Variants in GLB1L2 observed in about 807,000 individuals in gnomAD.
GLB1L2 encodes the protein galactosidase beta 1 like 2, also known as beta-galactosidase-1-like protein 2.
In GLB1L2, 68 loss-of-function variants were observed where a neutral mutation model predicts 84.1. That is an observed-to-expected ratio of 0.81 (90% CI 0.67 to 0.99). The LOEUF is 0.99. Ranked by LOEUF, GLB1L2 falls within the 50% of genes least tolerant of loss-of-function variation. GLB1L2 has a pLI of 0.00. For synonymous variants in GLB1L2, 290 were observed against 318.0 expected, an observed-to-expected ratio of 0.91 and a Z score of 0.94; for missense variants, 762 against 805.6, an observed-to-expected ratio of 0.95 and a Z score of 0.66.
chr11:134,332,060 C>G lies in GLB1L2; in HGVS notation c.-2C>G, dbSNP rs748801138. On this transcript the variant is annotated 5_prime_UTR_variant, in exon 1 of 19. Transcript: ENST00000535456. Reference sequence around the variant, plus strand: ...CGGGTCCCCGCGCTTAGAGAACACGCGATGACCACGTGGAGCCTCCGGCGG... The same window carrying G: ...CGGGTCCCCGCGCTTAGAGAACACGGGATGACCACGTGGAGCCTCCGGCGG... The G allele has an allele frequency of 2.0e-5, 31 of 1,569,752 alleles. No individual in the cohort carries two copies. The highest frequency in any genetic ancestry group is 2.1e-4 in the Middle Eastern group (1 of 4,702).
intron 3 of GLB1L2, among the ~76,000 whole-genome samples, chr11:134,344,689 A>C (rs370507750): frequency 4.6e-5 from 7 of 152,390 alleles, no homozygotes; most frequent in African/African-American, 1.7e-4. Context: ...CCAGAGGGGC[A>C]GAAGACCCTG....
At position 134,332,203 on chromosome 11, in the gene GLB1L2, A is replaced by G. The variant is rs1430486093; in HGVS notation, c.86+56A>G. On this transcript the variant is annotated intron_variant, in intron 1 of 18. Coordinates refer to ENST00000535456, the MANE Select transcript of GLB1L2 (RefSeq NM_001370461.1). ...GACCCCACATTCCCCAGCCCTCCGC[A>G]CCTCGGGTTCTCTCCTCCCGCGACC... 3.9e-6 allele frequency: 5 copies of G among 1,282,796 alleles called. No homozygotes were observed. The African/African-American group carries it at 6.2e-5, about 16-fold the overall frequency. The allele number at this position is 1,282,796 out of a possible 1,614,324, so 79.5% of individuals were successfully genotyped here. A position where few individuals can be genotyped will look rare whatever the true frequency, so the allele number is the denominator to read the frequency against.
At chr11:134,361,995 C>T (rs1028390656) in intron 7 of GLB1L2, among the ~76,000 whole-genome samples, 2 of 152,200 alleles carry the variant, frequency 1.3e-5, no homozygotes, top group Non-Finnish European at 2.9e-5. Context: ...CAGTTACGCT[C>T]ACCATGGTGG....
chr11:134,363,688 T>C (rs1442777918), intron 7 of GLB1L2, among the ~76,000 whole-genome samples: 1 of 152,206 alleles, frequency 6.6e-6, no homozygotes, highest in African/African-American at 2.4e-5. Flanking sequence ...GACCGGATGC[T>C]TGGGGTGCCA....
intron 18 of GLB1L2, 56 bp downstream of exon 18, chr11:134,374,774 C>A: frequency 1.4e-6 from 2 of 1,445,944 alleles, no homozygotes; most frequent in South Asian, 1.1e-5. Flanking sequence ...CCTGCCGTCC[C>A]AGGGAGCCTT....
intron 7 of GLB1L2, among the ~76,000 whole-genome samples, chr11:134,362,833 A>C (rs1168724132): frequency 6.6e-6 from 1 of 152,152 alleles, no homozygotes; most frequent in African/African-American, 2.4e-5. Flanking sequence ...CATGGTGACC[A>C]GGTCCTGGGG....
At chr11:134,333,495 G>A (rs1367939993) in intron 1 of GLB1L2, among the ~76,000 whole-genome samples, 2 of 152,226 alleles carry the variant, frequency 1.3e-5, no homozygotes, top group African/African-American at 4.8e-5. Context: ...GCTAGCGGCT[G>A]CAGGCCTGTT....
rs1349101788 is a variant in GLB1L2 at position 134,373,718 on chromosome 11, C to T, written c.1508-3C>T. The T allele has an allele frequency of 1.9e-6, 3 of 1,605,672 alleles. No individual in the cohort carries two copies. The highest frequency in any genetic ancestry group is 2.7e-5 in the African/African-American group (2 of 74,760). On this transcript the variant is annotated splice_polypyrimidine_tract_variant and splice_region_variant and intron_variant, in intron 15 of 18. Transcript: ENST00000535456. The stretch of plus-strand genomic sequence containing the variant: ...ACCCACGTGTCCTGCCTCCCTCCCA[C>T]AGGCTTAATTGGAAATCTCTATCTG...
chr11:134,371,684 C>A, intron 14 of GLB1L2, 68 bp from the exon 15 acceptor site: 1 of 1,516,164 alleles, frequency 6.6e-7, no homozygotes, highest in South Asian at 1.1e-5. Flanking sequence ...GAACTGGGGT[C>A]CACAAGCAAA....
chr11:134,362,787 G>A (rs1943813887), intron 7 of GLB1L2, among the ~76,000 whole-genome samples: 1 of 152,202 alleles, frequency 6.6e-6, no homozygotes, highest in Non-Finnish European at 1.5e-5. Context: ...AGGTGGGAAT[G>A]AGGATGAAGG....
intron 5 of GLB1L2, among the ~76,000 whole-genome samples, chr11:134,355,822 G>A (rs898785908): frequency 1.9e-4 from 29 of 152,180 alleles, no homozygotes; most frequent in African/African-American, 7.0e-4. Context: ...AAACCAGTAC[G>A]TTGGGCAGAA....
chr11:134,370,924 C>T lies in GLB1L2; in HGVS notation c.1216-84C>T, dbSNP rs1943944012. 2 of 1,505,380 alleles carry T rather than the reference C, an allele frequency of 1.3e-6. No homozygotes were observed. Among genetic ancestry groups the T allele is most frequent in the Non-Finnish European group, 1.8e-6 (2 of 1,099,772 alleles). The allele number at this position is 1,505,380 out of a possible 1,614,324, so 93.3% of individuals were successfully genotyped here. A position where few individuals can be genotyped will look rare whatever the true frequency, so the allele number is the denominator to read the frequency against. On this transcript the variant is annotated intron_variant, in intron 12 of 18. Coordinates refer to ENST00000535456, the MANE Select transcript of GLB1L2 (RefSeq NM_001370461.1). The surrounding 1 kb of genome is among the most constrained non-coding windows in gnomAD (Gnocchi z 4.7). ...ACACCCACCAAACCTCCGCTTCCAC[C>T]CCATGTGCCAGCCCCCAGGCAGAGT... is the stretch of plus-strand genomic sequence containing the variant.
intron 1 of GLB1L2, among the ~76,000 whole-genome samples, chr11:134,337,736 C>G (rs1255669825): frequency 6.6e-6 from 1 of 152,170 alleles, no homozygotes; most frequent in African/African-American, 2.4e-5. Context: ...TCTTTGTGGG[C>G]AGCTGAACAC....
chr11:134,356,481 C>A, intron 6 of GLB1L2, 88 bp downstream of exon 6: 1 of 879,106 alleles, frequency 1.1e-6, no homozygotes, highest in Non-Finnish European at 1.9e-6. Flanking sequence ...TAATATTTTT[C>A]TCATATTAAT....
rs754533553 is a variant in GLB1L2, at chr11:134,345,116, G to A, written c.436G>A (p.Gly146Arg). 1.2e-5 allele frequency: 19 copies of A among 1,612,068 alleles called. No individual in the cohort carries two copies. Among genetic ancestry groups the A allele is most frequent in the African/African-American group, 1.3e-5 (1 of 74,910 alleles). The change falls in exon 4 of 19, where the codon GGG becomes AGG. Residue 146 changes from glycine to arginine, a missense_variant. Gly to Arg is a moderately radical substitution (Grantham distance 125). Transcript: ENST00000535456. ...GPYICSEMDL[G>R]GLPSWLLQDP... is the part of the protein sequence containing the mutation. The stretch of plus-strand genomic sequence containing the variant: ...CTACATCTGCAGTGAGATGGACCTC[G>A]GGGGCTTGCCCAGGTAAGCGGGGTT...
At chr11:134,365,462 G>A (rs937370681) in intron 8 of GLB1L2, among the ~76,000 whole-genome samples, 1 of 152,228 alleles carries the variant, frequency 6.6e-6, no homozygotes, top group Admixed American at 6.5e-5. Context: ...GCCCTGTGCT[G>A]TGTGACCTTG....
chr11:134,359,592 G>A (rs1428139775), intron 7 of GLB1L2: 1 of 154,822 alleles, frequency 6.5e-6, no homozygotes, highest in Admixed American at 6.5e-5. Flanking sequence ...AGCACCCCTG[G>A]CCTGCATTGC....
chr11:134,345,530 G>C (rs7949292), intron 4 of GLB1L2, among the ~76,000 whole-genome samples: 2,459 of 152,334 alleles, frequency 0.016, 65 homozygotes, highest in African/African-American at 0.052. Context: ...GAGTGCAGTG[G>C]TGTGATCTTG....
chr11:134,374,950 C>G, intron 18 of GLB1L2, 22 bp from the exon 19 acceptor site: 1 of 1,606,902 alleles, frequency 6.2e-7, no homozygotes, highest in Non-Finnish European at 8.5e-7. Flanking sequence ...GCTGCCCTCC[C>G]AGCCGGGCCC....
Sources: gnomAD v4.1 joint callset for allele counts (sites outside exome capture counted in the v4.1 genomes callset) on GRCh38, gnomAD v4.1.1 for gene constraint, Gnocchi (gnomAD v3.1) non-coding constraint, MANE v1.5 for transcripts, NCBI Gene and HGNC (gene_info 2026-07-23, HGNC 2026-07-21) for gene names.